Variants in SLC25A12 observed in about 807,000 individuals in gnomAD.
SLC25A12 encodes the protein solute carrier family 25 member 12.
In SLC25A12, 32 loss-of-function variants were observed where a neutral mutation model predicts 83.3. The observed-to-expected ratio is 0.38, with a 90% confidence interval of 0.29 to 0.52. The LOEUF (loss-of-function observed/expected upper bound fraction) is 0.52, where lower values mean the gene tolerates loss of function less well. Among genes scored for constraint, SLC25A12 ranks in the 20% least tolerant of loss-of-function variants. The probability of loss-of-function intolerance (pLI) is 0.84; values close to 1 mark genes in which losing one functional copy is unlikely to be tolerated. For missense variants in SLC25A12, 611 were observed against 835.6 expected, an observed-to-expected ratio of 0.73 and a Z score of 3.31; for synonymous variants, 267 against 291.1, an observed-to-expected ratio of 0.92 and a Z score of 0.84.
chr2:171,857,001 T>C (rs966686123), intron 3 of SLC25A12, among the ~76,000 whole-genome samples: 19 of 152,248 alleles, frequency 1.2e-4, no homozygotes, highest in African/African-American at 3.6e-4. Flanking sequence ...ATTTTGGTAA[T>C]GATTAAAAGT....
chr2:171,786,053 G>C (rs995790393), intron 17 of SLC25A12, among the ~76,000 whole-genome samples: 8 of 152,012 alleles, frequency 5.3e-5, no homozygotes, highest in Admixed American at 6.5e-5. Context: ...TTATGTAGTA[G>C]ACTCATAAAG....
chr2:171,878,641 T>G (rs923523603), intron 2 of SLC25A12, among the ~76,000 whole-genome samples: 1 of 152,222 alleles, frequency 6.6e-6, no homozygotes, highest in Non-Finnish European at 1.5e-5. Flanking sequence ...CAAAACAAAC[T>G]GTTCCTCCAT....
chr2:171,807,390 C>G lies in SLC25A12; in HGVS notation c.1305+2216G>C, dbSNP rs184616361. On this transcript the variant is annotated intron_variant, in intron 13 of 17. Transcript: ENST00000422440. ...AATTCCTAAAGTTCAAACCTATAAA[C>G]AGGGTCGGTAGCTAGGAAGAACAAA... Among the ~76,000 whole-genome samples the G allele has an allele frequency of 3.8e-4, 58 of 152,320 alleles. 1 individual carries two copies. The highest frequency in any genetic ancestry group is 8.5e-4 in the Admixed American group (13 of 15,294).
chr2:171,866,596 C>G (rs1685317058), intron 3 of SLC25A12, among the ~76,000 whole-genome samples: 1 of 72,456 alleles, frequency 1.4e-5, no homozygotes. Context: ...GGCTGACCCC[C>G]CCACCTCCCT....
chr2:171,784,940 T>C lies in SLC25A12; in HGVS notation c.*334A>G, dbSNP rs1690459380. 1.3e-5 allele frequency: 4 copies of C among 308,214 alleles called. No homozygotes were observed. In the Admixed American group the frequency reaches 1.7e-4, roughly 13 times the overall value. The allele number at this position is 308,214 out of a possible 1,614,324, so 19.1% of individuals were successfully genotyped here. On this transcript the variant is annotated 3_prime_UTR_variant, in exon 18 of 18. Coordinates refer to ENST00000422440, the MANE Select transcript of SLC25A12 (RefSeq NM_003705.5). The stretch of plus-strand genomic sequence containing the variant: ...TTACATTTCTACAAATGTGATTTGT[T>C]GGGATGAGGTGCCAAGATGTCTCTG...
At chr2:171,891,532 G>A (rs1411420662) in intron 2 of SLC25A12, among the ~76,000 whole-genome samples, 2 of 152,132 alleles carry the variant, frequency 1.3e-5, no homozygotes, top group East Asian at 3.9e-4. Context: ...TTAGCCTAAG[G>A]GTACAAGAAC....
At position 171,793,671 on chromosome 2, in the gene SLC25A12, C is replaced by T. The variant is rs143128415; in HGVS notation, c.1402G>A (p.Ala468Thr). The T allele has an allele frequency of 8.5e-5, 137 of 1,614,014 alleles. No individual in the cohort carries two copies. Among genetic ancestry groups the T allele is most frequent in the Non-Finnish European group, 2.5e-5 (29 of 1,180,036 alleles). The change falls in exon 14 of 18, where the codon GCC becomes ACC. Residue 468 changes from alanine to threonine, a missense_variant. Physicochemically the swap from Ala to Thr is moderately conservative, Grantham distance 58. Transcript: ENST00000422440. Reference protein sequence around the residue: ...GEITTGPRVSALNVLRDLGIF... With the variant: ...GEITTGPRVSTLNVLRDLGIF... ...CCCAAGTCCCGGAGCACATTCAGGG[C>T]GCTGACTCTGGGTCCCGTGGTGATC...
intron 4 of SLC25A12, chr2:171,848,142 T>C (rs1188162232): frequency 2.1e-6 from 1 of 470,696 alleles, no homozygotes; most frequent in East Asian, 6.9e-5. Context: ...TTCCTACTGG[T>C]CTTGTTCACC....
At chr2:171,800,766 A>G (rs1329188183) in intron 13 of SLC25A12, among the ~76,000 whole-genome samples, 1 of 152,210 alleles carries the variant, frequency 6.6e-6, no homozygotes, top group Non-Finnish European at 1.5e-5. Flanking sequence ...ATGAAATACT[A>G]CTCAGCAAAA....
chr2:171,810,362 A>G, intron 11 of SLC25A12, 86 bp from the exon 12 acceptor site: 1 of 1,068,934 alleles, frequency 9.4e-7, no homozygotes, highest in Non-Finnish European at 1.5e-6. Flanking sequence ...CCCCCATATT[A>G]TTTACCCATC....
intron 8 of SLC25A12, among the ~76,000 whole-genome samples, chr2:171,828,252 G>A (rs1344341739): frequency 6.6e-6 from 1 of 152,214 alleles, no homozygotes; most frequent in Admixed American, 6.5e-5. Context: ...CCCAGAATGG[G>A]GAAGTACTCT....
At chr2:171,793,336 A>G (rs1558907761) in intron 14 of SLC25A12, among the ~76,000 whole-genome samples, 2 of 152,088 alleles carry the variant, frequency 1.3e-5, no homozygotes, top group Non-Finnish European at 2.9e-5. Flanking sequence ...AGCACCAGGG[A>G]AAGTTTTCCC....
At chr2:171,872,387 T>A (rs185189212) in intron 2 of SLC25A12, among the ~76,000 whole-genome samples, 1 of 152,310 alleles carries the variant, frequency 6.6e-6, no homozygotes, top group East Asian at 1.9e-4. Flanking sequence ...CTTTTCTTCC[T>A]TATTCTTAAT....
intron 14 of SLC25A12, among the ~76,000 whole-genome samples, chr2:171,792,646 T>C (rs1683504402): frequency 6.7e-6 from 1 of 148,766 alleles, no homozygotes; most frequent in South Asian, 2.1e-4. Context: ...AAAAAAAAAA[T>C]CCAAGGACTC....
rs559993637 is a variant in SLC25A12, at chr2:171,875,838, G to A, written c.67-7015C>T. ...TGAGGCAAGAGAATGGTGTTAACCCGGGCGGCGGAGCTTGCAGTGAGCCAA... is the reference window on the plus strand; with the variant it reads ...TGAGGCAAGAGAATGGTGTTAACCCAGGCGGCGGAGCTTGCAGTGAGCCAA... On this transcript the variant is annotated intron_variant, in intron 2 of 17. Coordinates refer to ENST00000422440, the MANE Select transcript of SLC25A12 (RefSeq NM_003705.5). 6.3e-4 allele frequency among the ~76,000 whole-genome samples: 95 copies of A among 150,894 alleles called. 1 individual carries two copies. Among genetic ancestry groups the A allele is most frequent in the African/African-American group, 2.0e-3 (82 of 41,098 alleles).
At chr2:171,845,212 A>G (rs1684768050) in intron 4 of SLC25A12, among the ~76,000 whole-genome samples, 1 of 152,182 alleles carries the variant, frequency 6.6e-6, no homozygotes, top group Non-Finnish European at 1.5e-5. Context: ...TTAGATAGGA[A>G]CTAGTCACAC....
At chr2:171,836,662 G>A (rs1273459201) in intron 6 of SLC25A12, among the ~76,000 whole-genome samples, 4 of 152,250 alleles carry the variant, frequency 2.6e-5, no homozygotes, top group South Asian at 2.1e-4. Flanking sequence ...AGGCAACAAA[G>A]GAAGGAGCCA....
At position 171,793,990 on chromosome 2, in the gene SLC25A12, G is replaced by C. The variant is rs75696090; in HGVS notation, c.1306-223C>G. ...CTCAGATCAATCTACCTCTGGGTTT[G>C]TTTCTAGCTGAAATGTCAAGATTGT... On this transcript the variant is annotated intron_variant, in intron 13 of 17. Transcript: ENST00000422440. Among the ~76,000 whole-genome samples, 113 of 152,228 alleles carry C rather than the reference G, an allele frequency of 7.4e-4. 3 individuals carry two copies. The East Asian group carries it at 7.5e-3, about 10-fold the overall frequency.
chr2:171,883,492 T>C (rs1234054178), intron 2 of SLC25A12, among the ~76,000 whole-genome samples: 2 of 152,298 alleles, frequency 1.3e-5, no homozygotes, highest in African/African-American at 2.4e-5. Flanking sequence ...AGGAACTCTA[T>C]AGACAGGAGG....
Sources: gnomAD v4.1 joint callset for allele counts (sites outside exome capture counted in the v4.1 genomes callset) on GRCh38, gnomAD v4.1.1 for gene constraint, MANE v1.5 for transcripts, NCBI Gene and HGNC (gene_info 2026-07-23, HGNC 2026-07-21) for gene names.